Variants in MAN2B1 observed in about 807,000 individuals in gnomAD.
The protein encoded by MAN2B1 is lysosomal alpha-mannosidase.
A neutral mutation model predicts 127.5 loss-of-function variants in MAN2B1; 99 were observed. The ratio of observed to expected loss-of-function variants is 0.78; its 90% CI spans 0.66 to 0.92. The LOEUF is 0.92. Ranked by LOEUF, MAN2B1 falls within the 40% of genes least tolerant of loss-of-function variation. The probability of loss-of-function intolerance (pLI) is 0.00; values close to 1 mark genes in which losing one functional copy is unlikely to be tolerated. For missense variants in MAN2B1, 1,304 were observed against 1,384.8 expected, an observed-to-expected ratio of 0.94 and a Z score of 0.93; for synonymous variants, 573 against 568.8, an observed-to-expected ratio of 1.01 and a Z score of -0.11.
In MAN2B1 at chr19:12,665,534, A is replaced by T; in HGVS notation, c.263-9T>A. The T allele has an allele frequency of 6.2e-7, 1 of 1,614,168 alleles. No individual in the cohort carries two copies. ...CTGGATGTCATTCTTGACTGTGGAT[A>T]ACAGGGATAAGGCTCTCAGGGAACA... is the stretch of plus-strand genomic sequence containing the variant. On this transcript the variant is annotated splice_polypyrimidine_tract_variant and intron_variant, in intron 2 of 23. Coordinates refer to ENST00000456935, the MANE Select transcript of MAN2B1 (RefSeq NM_000528.4).
Position 12,656,641 on chromosome 19 carries a change from A to G in MAN2B1, c.1574T>C (p.Met525Thr). ...YNPLGRKVNWMVRLPVSEGVF... is the reference protein window; with the variant it reads ...YNPLGRKVNWTVRLPVSEGVF... ...GCCTTCGCTGACCGGCAGCCGTACC[A>G]TCCAATTCACCTTCCGCCCCAGGGG... The change falls in exon 13 of 24, where the codon ATG becomes ACG. Residue 525 changes from methionine (M) to threonine (T), a missense_variant. Physicochemically the swap from Met to Thr is moderately conservative, Grantham distance 81 (BLOSUM62 -1). Transcript: ENST00000456935. 6.2e-7 allele frequency: 1 copy of G among 1,614,012 alleles called. No homozygotes were observed. The highest frequency in any genetic ancestry group is 8.5e-7 in the Non-Finnish European group (1 of 1,179,966).
Position 12,649,932 on chromosome 19 carries a change from G to T in MAN2B1, c.2248C>A (p.Arg750=), listed in dbSNP as rs80338680. ...CCCCACCTCCTCTCCAGGATCTCCC[G>T]GCCATTGCTGTCTGTGTAGAAGCGT... ...KGRFYTDSNG[R]EILERRRDYR... Residue 750 remains arginine, a synonymous_variant, in exon 18 of 24, where the codon CGG becomes AGG. Transcript: ENST00000456935. The T allele has an allele frequency of 8.1e-6, 13 of 1,602,428 alleles. No homozygotes were observed. Among genetic ancestry groups the T allele is most frequent in the Non-Finnish European group, 1.1e-5 (13 of 1,175,550 alleles).
At position 12,648,253 on chromosome 19, in the gene MAN2B1, C is replaced by CT. The variant is rs1417547913; in HGVS notation, c.2585dup (p.Glu863GlyfsTer68). The CT allele has an allele frequency of 6.2e-7, 1 of 1,602,212 alleles. No homozygotes were observed. The highest frequency in any genetic ancestry group is 8.5e-7 in the Non-Finnish European group (1 of 1,177,310). The stretch of plus-strand genomic sequence containing the variant: ...GCACCACCTGAGGGGCCAGGACCTC[C>CT]TGCTCCGCCAGGAGCCGGTGTCCGG... On this transcript the variant is annotated frameshift_variant, in exon 21 of 24. Coordinates refer to ENST00000456935, the MANE Select transcript of MAN2B1 (RefSeq NM_000528.4). LOFTEE classifies it high-confidence loss of function.
In MAN2B1 at chr19:12,659,920, G is replaced by T. The variant is rs145619378; in HGVS notation, c.1026+1340C>A. Among the ~76,000 whole-genome samples, 69 of 152,272 alleles carry T rather than the reference G, an allele frequency of 4.5e-4. No homozygotes were observed. In the East Asian group the frequency reaches 6.4e-3, roughly 14 times the overall value. Reference sequence around the variant, plus strand: ...TGAAATAGCAGTGCTGGGAGCGAGTGGAAGGTGGGAATGGAGATTGCACCG... The same window carrying T: ...TGAAATAGCAGTGCTGGGAGCGAGTTGAAGGTGGGAATGGAGATTGCACCG... On this transcript the variant is annotated intron_variant, in intron 7 of 23. Transcript: ENST00000456935.
chr19:12,647,381 T>A lies in MAN2B1; in HGVS notation c.2821-46A>T. On this transcript the variant is annotated intron_variant, in intron 22 of 23. Coordinates refer to ENST00000456935, the MANE Select transcript of MAN2B1 (RefSeq NM_000528.4). This position sits in a 1 kb window ranked among gnomAD's most constrained non-coding sequence, Gnocchi z 4.9. Reference sequence around the variant, plus strand: ...CCAGATGAGTTGGGGCAAAGCCAGGTTTCTCTTCTCTCCCTCTCTCTTGCC... The same window carrying A: ...CCAGATGAGTTGGGGCAAAGCCAGGATTCTCTTCTCTCCCTCTCTCTTGCC... 6.2e-7 allele frequency: 1 copy of A among 1,612,000 alleles called. No homozygotes were observed. The highest frequency in any genetic ancestry group is 8.5e-7 in the Non-Finnish European group (1 of 1,178,142).
At position 12,663,726 on chromosome 19, in the gene MAN2B1, G is replaced by T. The variant is rs1437494943; in HGVS notation, c.740C>A (p.Pro247His). The change falls in exon 5 of 24, where the codon CCC (proline) becomes CAC (histidine). Residue 247 changes from proline to histidine, a missense_variant. By Grantham distance (77) the Pro-to-His change is moderately conservative. Transcript: ENST00000456935. ...ACCAGTGAAGAGGTCCGCGGTCGGGGGCTTCAGGCTGGTGCTGGCCCGCCA... is the reference window on the plus strand; with the variant it reads ...ACCAGTGAAGAGGTCCGCGGTCGGGTGCTTCAGGCTGGTGCTGGCCCGCCA... ...QVWRASTSLK[P>H]PTADLFTGVL... The T allele has an allele frequency of 6.2e-7, 1 of 1,613,398 alleles. No homozygotes were observed. Among genetic ancestry groups the T allele is most frequent in the Non-Finnish European group, 8.5e-7 (1 of 1,179,850 alleles).
chr19:12,647,330 C>T lies in MAN2B1; in HGVS notation c.2826G>A (p.Leu942=), dbSNP rs2145220574. ...GGCGGGTGATGGTGAAGGTGGAGAA[C>T]AGGTCCTGCGGGGAAGGGGATGGGC... The part of the protein sequence containing the change: ...SAPVTLNLRD[L]FSTFTITRLQ... The change falls in exon 23 of 24, where the codon CTG becomes CTA. Residue 942 remains leucine, a synonymous_variant. Transcript: ENST00000456935. The surrounding 1 kb of genome is among the most constrained non-coding windows in gnomAD (Gnocchi z 4.9). The T allele has an allele frequency of 6.2e-7, 1 of 1,614,114 alleles. No homozygotes were observed.
At chr19:12,654,602 CTTTTA>C (rs771292224) in intron 14 of MAN2B1, among the ~76,000 whole-genome samples, 54 of 152,162 alleles carry the variant, frequency 3.5e-4, no homozygotes, top group Non-Finnish European at 5.1e-4. Context: ...GTTTTAACTT[CTTTTA>C]TTTTATTTTA....
chr19:12,649,267 G>A (rs766509703), intron 19 of MAN2B1, 51 bp from the exon 20 acceptor site: 1 of 1,602,588 alleles, frequency 6.2e-7, no homozygotes, highest in Admixed American at 1.7e-5. Context: ...ACCCCAGGCA[G>A]CTTTGAGATG....
chr19:12,656,103 G>C (rs1306861832), intron 13 of MAN2B1: 4 of 506,988 alleles, frequency 7.9e-6, no homozygotes, highest in Non-Finnish European at 1.1e-5. Context: ...GGAGTCGGGG[G>C]AGTGAAGGAG....
chr19:12,647,002 A>T lies in MAN2B1; in HGVS notation c.2923+231T>A, dbSNP rs2023703686. Reference sequence around the variant, plus strand: ...CTCCCAGAACTAGACATGGATGGGGATTTTCAAATCTTGTTCTTGGGACTA... The same window carrying T: ...CTCCCAGAACTAGACATGGATGGGGTTTTTCAAATCTTGTTCTTGGGACTA... On this transcript the variant is annotated intron_variant, in intron 23 of 23. Coordinates refer to ENST00000456935, the MANE Select transcript of MAN2B1 (RefSeq NM_000528.4). The surrounding 1 kb of genome is among the most constrained non-coding windows in gnomAD (Gnocchi z 4.9). 4.9e-6 allele frequency: 3 copies of T among 607,780 alleles called. No homozygotes were observed. Among genetic ancestry groups the T allele is most frequent in the African/African-American group, 1.9e-5 (1 of 53,912 alleles). The allele number at this position is 607,780 out of a possible 1,614,324, so 37.6% of individuals were successfully genotyped here.
rs778300782 is a variant in MAN2B1 at position 12,664,803 on chromosome 19, G to T, written c.619C>A (p.Leu207Met). Residue 207 changes from leucine to methionine, a missense_variant, in exon 4 of 24, where the codon CTG becomes ATG. Transcript: ENST00000456935. ...PFGHSREQAS[L>M]FAQMGFDGFF... ...GTCCCGGGTCGCACCTGCGCAAACA[G>T]CGAGGCCTGCTCCCGAGAGTGGCCG... 26 of 1,613,140 alleles carry T rather than the reference G, an allele frequency of 1.6e-5. No individual in the cohort carries two copies. The highest frequency in any genetic ancestry group is 5.0e-5 in the Admixed American group (3 of 59,944).
chr19:12,646,757 G>T, intron 23 of MAN2B1, 25 bp from the exon 24 acceptor site: 1 of 1,530,988 alleles, frequency 6.5e-7, no homozygotes, highest in Non-Finnish European at 9.1e-7. Flanking sequence ...GGGGAAGGAG[G>T]AGTGAGGAGG....
Position 12,663,785 on chromosome 19 carries a change from C to G in MAN2B1, c.681G>C (p.Trp227Cys). Residue 227 changes from tryptophan to cysteine, a missense_variant, in exon 5 of 24, where the codon TGG becomes TGC. Trp to Cys is a radical substitution (Grantham distance 215). Transcript: ENST00000456935. ...FFGRLDYQDKWVRMQKLEMEQ... is the reference protein window; with the variant it reads ...FFGRLDYQDKCVRMQKLEMEQ... ...CCATCTCCAGCTTCTGCATCCGTAC[C>G]CACTTATCTTGATAATCAAGGCGCC... is the stretch of plus-strand genomic sequence containing the variant. 6.2e-7 allele frequency: 1 copy of G among 1,614,172 alleles called. No individual in the cohort carries two copies. The highest frequency in any genetic ancestry group is 8.5e-7 in the Non-Finnish European group (1 of 1,180,028).
rs757209261 is a variant in MAN2B1 at position 12,658,402 on chromosome 19, C to T, written c.1109+26G>A. On this transcript the variant is annotated intron_variant, in intron 8 of 23. Coordinates refer to ENST00000456935, the MANE Select transcript of MAN2B1 (RefSeq NM_000528.4). ...TGACCCACGGGGCATGCCAACCCCC[C>T]CAAGCTCCCCAGTTTCCCCAAATAC... 6 of 1,614,110 alleles carry T rather than the reference C, an allele frequency of 3.7e-6. No individual in the cohort carries two copies. In the Admixed American group the frequency reaches 5.0e-5, roughly 13 times the overall value.
chr19:12,649,770 C>G (rs1194187797), intron 18 of MAN2B1, 143 bp downstream of exon 18: 1 of 754,134 alleles, frequency 1.3e-6, no homozygotes, highest in Non-Finnish European at 2.3e-6. Context: ...GCGTGAGCCA[C>G]TGCACCCTGC....
At chr19:12,657,122 G>T in intron 11 of MAN2B1, 66 bp from the exon 12 acceptor site, 2 of 963,534 alleles carry the variant, frequency 2.1e-6, no homozygotes, top group East Asian at 2.6e-5. Context: ...CCTCTCCTCA[G>T]GCCCCGCCCC....
rs536552985 is a variant in MAN2B1, at chr19:12,651,424, A to G, written c.2046+729T>C. ...GAATATTGGGGAAGGCAGAGCAACA[A>G]GATAGAAGAGGAGGTCCTGGGTGAT... On this transcript the variant is annotated intron_variant, in intron 16 of 23. Coordinates refer to ENST00000456935, the MANE Select transcript of MAN2B1 (RefSeq NM_000528.4). Among the ~76,000 whole-genome samples, 233 of 152,314 alleles carry G rather than the reference A, an allele frequency of 1.5e-3. 1 individual carries two copies. Among genetic ancestry groups the G allele is most frequent in the African/African-American group, 5.4e-3 (225 of 41,574 alleles).
In MAN2B1 at chr19:12,666,395, G is replaced by T. The variant is rs2024240745; in HGVS notation, c.159+148C>A. The T allele has an allele frequency of 1.0e-5, 9 of 874,190 alleles. No homozygotes were observed. In the East Asian group the frequency reaches 1.9e-4, roughly 18 times the overall value. 54.2% of individuals were successfully genotyped at this position (874,190 alleles called of 1,614,324 possible). A position where few individuals can be genotyped will look rare whatever the true frequency, so the allele number is the denominator to read the frequency against. ...ACTCAGATGCGCACAGCCAGACCTCGCAATGACACAAAGCACGCACTCAGA... is the reference window on the plus strand; with the variant it reads ...ACTCAGATGCGCACAGCCAGACCTCTCAATGACACAAAGCACGCACTCAGA... On this transcript the variant is annotated intron_variant, in intron 1 of 23. Transcript: ENST00000456935.
Sources: gnomAD v4.1 joint callset for allele counts (sites outside exome capture counted in the v4.1 genomes callset) on GRCh38, gnomAD v4.1.1 for gene constraint, Gnocchi (gnomAD v3.1) non-coding constraint, MANE v1.5 for transcripts, NCBI Gene and HGNC (gene_info 2026-07-23, HGNC 2026-07-21) for gene names.